The following SPATA13 variants were observed in gnomAD, a reference collection of about 807,000 sequenced individuals.
The protein encoded by SPATA13 is spermatogenesis associated 13, also known as spermatogenesis-associated protein 13.
In SPATA13, 50 loss-of-function variants were observed where a neutral mutation model predicts 104.0. The ratio of observed to expected loss-of-function variants is 0.48; its 90% CI spans 0.38 to 0.61. The LOEUF (loss-of-function observed/expected upper bound fraction) is 0.61. Among genes scored for constraint, SPATA13 ranks in the 20% least tolerant of loss-of-function variants. The probability of loss-of-function intolerance (pLI) is 0.00; values close to 1 mark genes in which losing one functional copy is unlikely to be tolerated. For missense variants in SPATA13, 1,524 were observed against 1,690.6 expected (o/e 0.90, Z 1.73); for synonymous variants, 606 against 667.5 (o/e 0.91, Z 1.42).
At chr13:24,231,409 T>C (rs961809927) in intron 2 of SPATA13, among the ~76,000 whole-genome samples, 1 of 152,238 alleles carries the variant, frequency 6.6e-6, no homozygotes. Flanking sequence ...TTTCAAGGTT[T>C]GTCCATAGAG....
At chr13:24,272,051 G>A (rs557829075) in intron 4 of SPATA13, among the ~76,000 whole-genome samples, 1 of 152,338 alleles carries the variant, frequency 6.6e-6, no homozygotes, top group African/African-American at 2.4e-5. Flanking sequence ...CTAGCGAGAC[G>A]GCACTGGCAA....
intron 1 of SPATA13, among the ~76,000 whole-genome samples, chr13:24,167,213 G>A (rs1882774574): frequency 6.6e-6 from 1 of 152,224 alleles, no homozygotes; most frequent in African/African-American, 2.4e-5. Context: ...AGTGCTTTGT[G>A]TGTGTGTCTC....
Position 24,251,588 on chromosome 13 carries a change from T to C in SPATA13, c.2020-130T>C, listed in dbSNP as rs943149709. ...ACTGGGCTTCGGTGCAGCCTGCAAC[T>C]CGTGGCAGGATTGGAGAAACCATTT... On this transcript the variant is annotated intron_variant, in intron 3 of 12. Transcript: ENST00000382108. 7 of 1,507,928 alleles carry C rather than the reference T, an allele frequency of 4.6e-6. No homozygotes were observed. In the African/African-American group the frequency reaches 8.3e-5, roughly 18 times the overall value. The allele number at this position is 1,507,928 out of a possible 1,614,324, so 93.4% of individuals were successfully genotyped here.
chr13:24,284,072 A>G (rs757893725), intron 4 of SPATA13, 63 bp from the exon 5 acceptor site: 8 of 1,543,932 alleles, frequency 5.2e-6, no homozygotes, highest in Non-Finnish European at 7.0e-6. Context: ...AAATTTTTTC[A>G]TCATATGAAA....
intron 3 of SPATA13, among the ~76,000 whole-genome samples, chr13:24,115,195 T>C (rs1455901955): frequency 6.6e-6 from 1 of 152,220 alleles, no homozygotes; most frequent in East Asian, 1.9e-4. Context: ...CAACCCAATT[T>C]GGACTGCAAG....
chr13:23,985,524 G>C (rs772037263), intron 2 of SPATA13, among the ~76,000 whole-genome samples: 2 of 152,198 alleles, frequency 1.3e-5, no homozygotes, highest in African/African-American at 2.4e-5. Context: ...CCTCCAGTCC[G>C]GTGAGAGTGG....
chr13:24,201,877 C>A (rs1369988146), intron 1 of SPATA13, among the ~76,000 whole-genome samples: 2 of 152,172 alleles, frequency 1.3e-5, no homozygotes, highest in African/African-American at 4.8e-5. Flanking sequence ...CCCCACCCAG[C>A]CTTTGGCAAC....
intron 2 of SPATA13, among the ~76,000 whole-genome samples, chr13:24,235,538 C>G (rs1872525765): frequency 6.6e-6 from 1 of 152,146 alleles, no homozygotes; most frequent in African/African-American, 2.4e-5. Context: ...GGCTGGAGGA[C>G]CACTTGAGCT....
intron 3 of SPATA13, chr13:24,034,118 C>T (rs982164873): frequency 1.3e-5 from 2 of 152,054 alleles, no homozygotes; most frequent in Middle Eastern, 3.2e-3. Flanking sequence ...ATGAGACCGT[C>T]GACATTTAGC....
intron 3 of SPATA13, among the ~76,000 whole-genome samples, chr13:24,115,836 C>A (rs1439432243): frequency 6.6e-6 from 1 of 152,206 alleles, no homozygotes; most frequent in Non-Finnish European, 1.5e-5. Context: ...ACTCAGATGC[C>A]AGCAGGTCAG....
chr13:23,995,837 G>C (rs565558594), intron 2 of SPATA13, among the ~76,000 whole-genome samples: 187 of 152,192 alleles, frequency 1.2e-3, no homozygotes, highest in African/African-American at 4.4e-3. Flanking sequence ...TGAGAACTGG[G>C]GAAGGGTGAG....
chr13:24,166,245 A>T (rs1408396947), intron 1 of SPATA13, among the ~76,000 whole-genome samples: 1 of 152,240 alleles, frequency 6.6e-6, no homozygotes, highest in Middle Eastern at 3.4e-3. Flanking sequence ...TCATGAAGAG[A>T]CTCATATTCT....
chr13:24,216,754 A>T (rs2138598545), intron 1 of SPATA13, among the ~76,000 whole-genome samples: 1 of 152,294 alleles, frequency 6.6e-6, no homozygotes, highest in East Asian at 1.9e-4. Flanking sequence ...TCTCTTTATG[A>T]ATGTTGTAAA....
intron 3 of SPATA13, among the ~76,000 whole-genome samples, chr13:24,145,464 C>T (rs148782441): frequency 2.6e-5 from 4 of 152,320 alleles, no homozygotes; most frequent in Admixed American, 1.3e-4. Flanking sequence ...TCTGATTGTT[C>T]TCAGTTCATG....
chr13:24,285,680 CTTT>C (rs3067301), intron 5 of SPATA13, among the ~76,000 whole-genome samples: 46 of 129,820 alleles, frequency 3.5e-4, no homozygotes, highest in Non-Finnish European at 3.4e-4. Context: ...CCACATCTGG[CTTT>C]TTTTTTTTTT....
At chr13:24,301,110 C>T (rs1877158922) in intron 12 of SPATA13, among the ~76,000 whole-genome samples, 1 of 152,134 alleles carries the variant, frequency 6.6e-6, no homozygotes, top group South Asian at 2.1e-4. Flanking sequence ...TCTGGCCCAA[C>T]AGGATGCAGA....
intron 3 of SPATA13, among the ~76,000 whole-genome samples, chr13:24,045,958 G>C (rs906466868): frequency 6.6e-5 from 10 of 152,342 alleles, no homozygotes; most frequent in African/African-American, 2.4e-4. Flanking sequence ...AAAGTGATTT[G>C]TGAGAAGGGA....
intron 2 of SPATA13, among the ~76,000 whole-genome samples, chr13:23,988,351 T>C (rs926700057): frequency 6.6e-6 from 1 of 152,252 alleles, no homozygotes; most frequent in African/African-American, 2.4e-5. Flanking sequence ...CTTCACTGTT[T>C]TAAATCTTTT....
chr13:24,220,247 C>A (rs728097), intron 1 of SPATA13, among the ~76,000 whole-genome samples: 2 of 151,904 alleles, frequency 1.3e-5, no homozygotes, highest in African/African-American at 4.8e-5. Context: ...AAGGTTAGGC[C>A]GATTCCCATG....
Sources: allele counts gnomAD v4.1 joint callset (sites outside exome capture counted in the v4.1 genomes callset), GRCh38; gene constraint gnomAD v4.1.1; transcripts MANE v1.5; gene names NCBI Gene and HGNC (gene_info 2026-07-23, HGNC 2026-07-21).